The following PRPF8 variants were observed in gnomAD, a reference collection of about 807,000 sequenced individuals.
The protein encoded by PRPF8 is pre-mRNA processing factor 8.
PRPF8 carries 64 observed loss-of-function variants against 285.9 expected under a neutral mutation model. That is an observed-to-expected ratio of 0.22 (90% CI 0.18 to 0.28). The LOEUF (loss-of-function observed/expected upper bound fraction) is 0.28, where lower values mean the gene tolerates loss of function less well. PRPF8 is among the 10% of genes least tolerant of loss of function. The pLI is 1.00. For synonymous variants in PRPF8, 1,325 were observed against 1,118.2 expected, an observed-to-expected ratio of 1.18 and a Z score of -3.69; for missense variants, 1,426 against 3,026.7, an observed-to-expected ratio of 0.47 and a Z score of 12.41.
Position 1,656,672 on chromosome 17 carries a change from C to T in PRPF8, c.5595G>A (p.Arg1865=). 6.2e-7 allele frequency: 1 copy of T among 1,614,154 alleles called. No individual in the cohort carries two copies. Among genetic ancestry groups the T allele is most frequent in the Non-Finnish European group, 8.5e-7 (1 of 1,180,024 alleles). The change falls in exon 35 of 43, where the codon AGG becomes AGA. Residue 1865 remains arginine (R), a synonymous_variant. Transcript: ENST00000304992. ...EEQPKQIIVT[R]KGMLDPLEVH... ...CCTCCAGTGGGTCCAGCATGCCCTTCCTGGTGACAATGATCTGCTTGGGCT... is the reference window on the plus strand; with the variant it reads ...CCTCCAGTGGGTCCAGCATGCCCTTTCTGGTGACAATGATCTGCTTGGGCT...
chr17:1,665,997 G>A, intron 24 of PRPF8, among the ~76,000 whole-genome samples: 1 of 146,142 alleles, frequency 6.8e-6, no homozygotes, highest in South Asian at 2.2e-4. Context: ...CCGCGTCGTA[G>A]TAAAAATACA....
At chr17:1,669,371 C>T (rs28495774) in intron 24 of PRPF8, among the ~76,000 whole-genome samples, 7,161 of 152,280 alleles carry the variant, frequency 0.047, 487 homozygotes, top group African/African-American at 0.15. Flanking sequence ...TCCCAAAGTG[C>T]TGGGATTACG....
chr17:1,674,572 G>A lies in PRPF8; in HGVS notation c.3169C>T (p.Arg1057Trp). ...GGGGGCCCAGCCATCTCACTGGCCC[G>A]GTGCAATCCCAATACAAGCAAATCC... Reference protein sequence around the residue: ...VMDLLVLGLHRASEMAGPPQM... With the variant: ...VMDLLVLGLHWASEMAGPPQM... Residue 1057 changes from arginine to tryptophan, a missense_variant, in exon 21 of 43, where the codon CGG (arginine) becomes TGG (tryptophan). By Grantham distance (101) the Arg-to-Trp change is moderately radical. This residue lies in a region of PRPF8 where 148 missense variants were observed against 196.2 expected (regional missense o/e 0.75). Transcript: ENST00000304992. 1 of 1,614,100 alleles carries A rather than the reference G, an allele frequency of 6.2e-7. No homozygotes were observed. The highest frequency in any genetic ancestry group is 8.5e-7 in the Non-Finnish European group (1 of 1,180,030).
chr17:1,677,916 T>A (rs1912691644), intron 13 of PRPF8, among the ~76,000 whole-genome samples: 1 of 152,064 alleles, frequency 6.6e-6, no homozygotes, highest in African/African-American at 2.4e-5. Flanking sequence ...AGATCGCCCA[T>A]GTGAATTTAA....
chr17:1,676,459 CCCACTCCCCCA>C lies in PRPF8; in HGVS notation c.2388+35_2388+45del. 2.5e-6 allele frequency: 4 copies of C among 1,613,918 alleles called. No homozygotes were observed. The highest frequency in any genetic ancestry group is 3.4e-6 in the Non-Finnish European group (4 of 1,179,920). ...CACAACTCTACAGTCCTCCCTCTTG[CCCACTCCCCCA>C]CCACTCACACCCAGCCCAGCCTACT... On this transcript the variant is annotated intron_variant, in intron 16 of 42. Coordinates refer to ENST00000304992, the MANE Select transcript of PRPF8 (RefSeq NM_006445.4). This position sits in a 1 kb window ranked among gnomAD's most constrained non-coding sequence, Gnocchi z 6.3.
intron 2 of PRPF8, 72 bp downstream of exon 2, chr17:1,684,400 T>TC: frequency 1.3e-6 from 2 of 1,504,222 alleles, no homozygotes. Flanking sequence ...ACGGGGAGGG[T>TC]CCCCACCCGC....
At chr17:1,672,874 A>G in intron 24 of PRPF8, 1 of 621,640 alleles carries the variant, frequency 1.6e-6, no homozygotes, top group East Asian at 2.7e-5. Flanking sequence ...CACAAGAAGG[A>G]GGCTACACAA....
At chr17:1,655,208 T>C in intron 37 of PRPF8, 142 bp downstream of exon 37, 6 of 859,642 alleles carry the variant, frequency 7.0e-6, no homozygotes, top group East Asian at 5.3e-5. Flanking sequence ...TCTACCCACC[T>C]TGGCCTCCCA....
At position 1,679,995 on chromosome 17, in the gene PRPF8, A is replaced by G. The variant is rs1192949322; in HGVS notation, c.1099-196T>C. ...ACAAGACAGGGCCACCAGGAAAGCA[A>G]GCGTCACTTCTCACACCTCAACTGG... On this transcript the variant is annotated intron_variant, in intron 8 of 42. Coordinates refer to ENST00000304992, the MANE Select transcript of PRPF8 (RefSeq NM_006445.4). The surrounding 1 kb of genome is among the most constrained non-coding windows in gnomAD (Gnocchi z 4.7). 6.6e-6 allele frequency among the ~76,000 whole-genome samples: 1 copy of G among 152,214 alleles called. No homozygotes were observed. The highest frequency in any genetic ancestry group is 1.5e-5 in the Non-Finnish European group (1 of 68,046).
chr17:1,683,888 C>CTTT (rs112914461), intron 2 of PRPF8, among the ~76,000 whole-genome samples, 187 bp from the exon 3 acceptor site: 3 of 140,506 alleles, frequency 2.1e-5, no homozygotes, highest in African/African-American at 7.9e-5. Context: ...CACTATCTGA[C>CTTT]TTTTTTTTTT....
chr17:1,652,050 C>A, intron 39 of PRPF8: 1 of 579,868 alleles, frequency 1.7e-6, no homozygotes, highest in Non-Finnish European at 3.1e-6. Flanking sequence ...GATTATTAAG[C>A]ATAGTATTCA....
At chr17:1,652,030 C>G in intron 39 of PRPF8, 2 of 606,684 alleles carry the variant, frequency 3.3e-6, no homozygotes, top group Non-Finnish European at 5.9e-6. Context: ...TGCTCACAAG[C>G]TCCCCAGCTG....
At chr17:1,680,527 G>C (rs1326176159) in intron 8 of PRPF8, 199 bp downstream of exon 8, 3 of 649,134 alleles carry the variant, frequency 4.6e-6, no homozygotes, top group Non-Finnish European at 8.3e-6. Context: ...AAGTCCAAAA[G>C]GATAATCACA....
Position 1,675,751 on chromosome 17 carries a change from A to T in PRPF8, c.2741T>A (p.Leu914Gln). ...HLVPVYDVEPLEKITDAYLDQ... is the reference protein window; with the variant it reads ...HLVPVYDVEPQEKITDAYLDQ... ...CAGGTAAGCATCAGTTATCTTCTCC[A>T]GGGGCTCAACATCATATACTGGAAC... The change falls in exon 19 of 43, where the codon CTG becomes CAG. Residue 914 changes from leucine to glutamine, a missense_variant. Around this residue, in one of 34 missense-constraint regions of PRPF8, gnomAD observed 70 missense variants for 273.7 expected, o/e 0.26. Coordinates refer to ENST00000304992, the MANE Select transcript of PRPF8 (RefSeq NM_006445.4). This position sits in a 1 kb window ranked among gnomAD's most constrained non-coding sequence, Gnocchi z 6.0. The T allele has an allele frequency of 6.2e-7, 1 of 1,614,098 alleles. No homozygotes were observed. The highest frequency in any genetic ancestry group is 8.5e-7 in the Non-Finnish European group (1 of 1,180,028).
At position 1,673,075 on chromosome 17, in the gene PRPF8, C is replaced by T. The variant is rs11078563; in HGVS notation, c.3774+6G>A. On this transcript the variant is annotated splice_donor_region_variant and intron_variant, in intron 24 of 42. Coordinates refer to ENST00000304992, the MANE Select transcript of PRPF8 (RefSeq NM_006445.4). This position sits in a 1 kb window ranked among gnomAD's most constrained non-coding sequence, Gnocchi z 5.5. ...AAGAGGGAAGCTGGGCATGACGGCC[C>T]TGTACCTTGGTGAAGGTGGTGGACC... 348,823 of 1,613,478 alleles carry T rather than the reference C, an allele frequency of 0.22. 44,357 individuals are homozygous for T. Among genetic ancestry groups the T allele is most frequent in the African/African-American group, 0.58 (43,214 of 74,918 alleles).
chr17:1,651,902 C>T lies in PRPF8; in HGVS notation c.6370-114G>A, dbSNP rs549935272. On this transcript the variant is annotated intron_variant, in intron 39 of 42. Coordinates refer to ENST00000304992, the MANE Select transcript of PRPF8 (RefSeq NM_006445.4). The surrounding 1 kb of genome is among the most constrained non-coding windows in gnomAD (Gnocchi z 5.1). ...AGAACGAGGACAGAGTTTCTTAAAA[C>T]GTGATCAGAACCCCCTGTATCAGAA... 36 of 1,354,100 alleles carry T rather than the reference C, an allele frequency of 2.7e-5. No homozygotes were observed. Among genetic ancestry groups the T allele is most frequent in the Admixed American group, 8.5e-5 (5 of 59,136 alleles). 83.9% of individuals were successfully genotyped at this position (1,354,100 alleles called of 1,614,324 possible). A position where few individuals can be genotyped will look rare whatever the true frequency, so the allele number is the denominator to read the frequency against.
At position 1,659,562 on chromosome 17, in the gene PRPF8, G is replaced by A. The variant is rs548136856; in HGVS notation, c.4947-14C>T. 63 of 1,611,788 alleles carry A rather than the reference G, an allele frequency of 3.9e-5. No homozygotes were observed. The African/African-American group carries it at 8.0e-4, about 20-fold the overall frequency. The stretch of plus-strand genomic sequence containing the variant: ...TCCATCACATCCCTGAGGATGAAGA[G>A]GGTTCAAGCTTCTAAGAAACCATGG... On this transcript the variant is annotated splice_polypyrimidine_tract_variant and intron_variant, in intron 31 of 42. Coordinates refer to ENST00000304992, the MANE Select transcript of PRPF8 (RefSeq NM_006445.4). This position sits in a 1 kb window ranked among gnomAD's most constrained non-coding sequence, Gnocchi z 5.1.
chr17:1,673,215 G>A lies in PRPF8; in HGVS notation c.3658-18C>T, dbSNP rs372316053. The stretch of plus-strand genomic sequence containing the variant: ...TTAGTAACCTAAACCACAAAGTCAA[G>A]GTTAACATGTCCGAGGAACTCCCAC... On this transcript the variant is annotated intron_variant, in intron 23 of 42. Coordinates refer to ENST00000304992, the MANE Select transcript of PRPF8 (RefSeq NM_006445.4). This position sits in a 1 kb window ranked among gnomAD's most constrained non-coding sequence, Gnocchi z 5.5. The A allele has an allele frequency of 2.5e-5, 40 of 1,613,182 alleles. No individual in the cohort carries two copies. In the African/African-American group the frequency reaches 3.5e-4, roughly 14 times the overall value.
chr17:1,683,410 T>C, intron 3 of PRPF8, 123 bp downstream of exon 3: 2 of 1,093,534 alleles, frequency 1.8e-6, no homozygotes, highest in South Asian at 2.5e-5. Flanking sequence ...AGACTCCTAC[T>C]GGTTTTCTCC....
Sources: allele counts gnomAD v4.1 joint callset (sites outside exome capture counted in the v4.1 genomes callset), GRCh38; gene constraint gnomAD v4.1.1; regional missense constraint gnomAD v4.1.1; non-coding constraint Gnocchi (gnomAD v3.1); transcripts MANE v1.5; gene names NCBI Gene and HGNC (gene_info 2026-07-23, HGNC 2026-07-21).